ATP1A4: variants seen among roughly 807,000 people sequenced by gnomAD.
ATP1A4 encodes the protein sodium/potassium-transporting ATPase subunit alpha-4.
In ATP1A4, 90 loss-of-function variants were observed where a neutral mutation model predicts 114.3. The ratio of observed to expected loss-of-function variants is 0.79; its 90% CI spans 0.66 to 0.94. The LOEUF is 0.94. Ranked by LOEUF, ATP1A4 falls within the 40% of genes least tolerant of loss-of-function variation. ATP1A4 has a pLI of 0.00. For synonymous variants in ATP1A4, 511 were observed against 494.1 expected, an observed-to-expected ratio of 1.03 and a Z score of -0.45; for missense variants, 1,222 against 1,313.6, an observed-to-expected ratio of 0.93 and a Z score of 1.08.
At chr1:160,176,702 A>C in intron 17 of ATP1A4, 100 bp downstream of exon 17, 33 of 1,503,530 alleles carry the variant, frequency 2.2e-5, no homozygotes, top group South Asian at 3.7e-5. Context: ...ATATTTTCTC[A>C]GCAACAAACT....
intron 4 of ATP1A4, among the ~76,000 whole-genome samples, chr1:160,157,517 T>C (rs923935772): frequency 7.9e-5 from 12 of 152,260 alleles, no homozygotes; most frequent in African/African-American, 2.7e-4. Context: ...AAAGGATGTA[T>C]TGGGTCAATT....
chr1:160,186,815 G>A lies in ATP1A4; in HGVS notation c.*116G>A. 8.2e-7 allele frequency: 1 copy of A among 1,222,462 alleles called. No individual in the cohort carries two copies. 75.7% of individuals were successfully genotyped at this position (1,222,462 alleles called of 1,614,324 possible). A position where few individuals can be genotyped will look rare whatever the true frequency, so the allele number is the denominator to read the frequency against. ...CACTAGGATGAATTATCTTGGATGAGAAAGATGGGCAATCCTGGGCTGGCT... is the reference window on the plus strand; with the variant it reads ...CACTAGGATGAATTATCTTGGATGAAAAAGATGGGCAATCCTGGGCTGGCT... On this transcript the variant is annotated 3_prime_UTR_variant, in exon 22 of 22. Coordinates refer to ENST00000368081, the MANE Select transcript of ATP1A4 (RefSeq NM_144699.4).
chr1:160,167,369 C>A lies in ATP1A4; in HGVS notation c.1448C>A (p.Pro483His), dbSNP rs771499307. ...GTGGCGGAGATGAGAGAGAAAAACC[C>A]CAAGGTGGCAGAGATTCCCTTTAAT... ...SSVAEMREKN[P>H]KVAEIPFNST... is the part of the protein sequence containing the mutation. Residue 483 changes from proline to histidine, a missense_variant, in exon 10 of 22, where the codon CCC (proline) becomes CAC (histidine). Coordinates refer to ENST00000368081, the MANE Select transcript of ATP1A4 (RefSeq NM_144699.4). The A allele has an allele frequency of 1.1e-5, 18 of 1,611,960 alleles. No individual in the cohort carries two copies. The South Asian group carries it at 2.0e-4, about 18-fold the overall frequency.
At chr1:160,186,627 C>G (rs1653904858) in intron 21 of ATP1A4, 44 bp from the exon 22 acceptor site, 2 of 1,599,234 alleles carry the variant, frequency 1.3e-6, no homozygotes, top group Non-Finnish European at 1.7e-6. Context: ...CTGGATGCCT[C>G]TAATTCCTTC....
At position 160,173,809 on chromosome 1, in the gene ATP1A4, TC is replaced by T. The variant is rs1279995467; in HGVS notation, c.1991+94del. On this transcript the variant is annotated intron_variant, in intron 13 of 21. Coordinates refer to ENST00000368081, the MANE Select transcript of ATP1A4 (RefSeq NM_144699.4). ...CCACTTTACTAAAGTTCTTGGAGTC[TC>T]CTTCAATAGGTAGGATGTGTGGGGT... 1.4e-5 allele frequency: 20 copies of T among 1,469,920 alleles called. No homozygotes were observed. In the Admixed American group the frequency reaches 4.1e-4, roughly 30 times the overall value. 91.1% of individuals were successfully genotyped at this position (1,469,920 alleles called of 1,614,324 possible).
chr1:160,168,313 A>G (rs1043210292), intron 10 of ATP1A4, among the ~76,000 whole-genome samples: 2 of 151,112 alleles, frequency 1.3e-5, no homozygotes, highest in Non-Finnish European at 1.5e-5. Context: ...AAAAGGCCAG[A>G]CATTCAGGTG....
Position 160,186,385 on chromosome 1 carries a change from C to T in ATP1A4, c.3061+18C>T, listed in dbSNP as rs1271868931. 1 of 1,586,836 alleles carries T rather than the reference C, an allele frequency of 6.3e-7. No homozygotes were observed. Among genetic ancestry groups the T allele is most frequent in the East Asian group, 2.2e-5 (1 of 44,736 alleles). Reference sequence around the variant, plus strand: ...CCCGGATGGTGAGGCTCCCCTGGGCCCCGCTCTGACTGAGTGGTCACCAGC... The same window carrying T: ...CCCGGATGGTGAGGCTCCCCTGGGCTCCGCTCTGACTGAGTGGTCACCAGC... On this transcript the variant is annotated intron_variant, in intron 21 of 21. Transcript: ENST00000368081.
Position 160,152,000 on chromosome 1 carries a change from T to C in ATP1A4, c.-41T>C. 6.3e-7 allele frequency: 1 copy of C among 1,587,820 alleles called. No homozygotes were observed. The highest frequency in any genetic ancestry group is 8.6e-7 in the Non-Finnish European group (1 of 1,168,148). On this transcript the variant is annotated 5_prime_UTR_variant, in exon 1 of 22. Transcript: ENST00000368081. Reference sequence around the variant, plus strand: ...CCCTTGCCTCACTCTCTCAGCTTTCTTCCCACAGTTGAGCTCGGGCAGCTC... The same window carrying C: ...CCCTTGCCTCACTCTCTCAGCTTTCCTCCCACAGTTGAGCTCGGGCAGCTC...
In ATP1A4 at chr1:160,171,248, T is replaced by G. The variant is rs1653244100; in HGVS notation, c.1492-3T>G. 1 of 1,613,112 alleles carries G rather than the reference T, an allele frequency of 6.2e-7. No individual in the cohort carries two copies. Among genetic ancestry groups the G allele is most frequent in the East Asian group, 2.2e-5 (1 of 44,854 alleles). On this transcript the variant is annotated splice_polypyrimidine_tract_variant and splice_region_variant and intron_variant, in intron 10 of 21. Coordinates refer to ENST00000368081, the MANE Select transcript of ATP1A4 (RefSeq NM_144699.4). ...CCATCAGTGCTCCCTTTGCTCTCCC[T>G]AGATGTCCATCCACCTTCGGGAGGA...
chr1:160,175,995 G>A lies in ATP1A4; in HGVS notation c.2312-97G>A, dbSNP rs187119531. Reference sequence around the variant, plus strand: ...GGACCTCCAGACCCTTTCCTGGACTGTGACACTTCTTTGAGGTGGCCTGTC... The same window carrying A: ...GGACCTCCAGACCCTTTCCTGGACTATGACACTTCTTTGAGGTGGCCTGTC... On this transcript the variant is annotated intron_variant, in intron 15 of 21. Transcript: ENST00000368081. 1.4e-3 allele frequency: 1,799 copies of A among 1,297,906 alleles called. 4 individuals carry two copies. Among genetic ancestry groups the A allele is most frequent in the Middle Eastern group, 7.5e-3 (40 of 5,362 alleles). 80.4% of individuals were successfully genotyped at this position (1,297,906 alleles called of 1,614,324 possible). A position where few individuals can be genotyped will look rare whatever the true frequency, so the allele number is the denominator to read the frequency against.
intron 6 of ATP1A4, among the ~76,000 whole-genome samples, chr1:160,160,587 C>T (rs1274383831): frequency 4.6e-5 from 7 of 152,086 alleles, no homozygotes; most frequent in South Asian, 4.1e-4. Context: ...TTCCCACATG[C>T]GCACAATACC....
At chr1:160,167,135 C>T in intron 9 of ATP1A4, 58 bp downstream of exon 9, 4 of 1,578,360 alleles carry the variant, frequency 2.5e-6, no homozygotes, top group Non-Finnish European at 3.5e-6. Flanking sequence ...CTGACCTCTC[C>T]CAAAAAATCC....
intron 18 of ATP1A4, among the ~76,000 whole-genome samples, chr1:160,178,339 G>A (rs1328226716): frequency 6.7e-6 from 1 of 149,856 alleles, no homozygotes; most frequent in African/African-American, 2.5e-5. Context: ...TGGGCAACAA[G>A]AGTAAAACTC....
intron 9 of ATP1A4, 42 bp downstream of exon 9, chr1:160,167,119 T>A (rs751796021): frequency 1.9e-6 from 3 of 1,597,718 alleles, no homozygotes; most frequent in Admixed American, 1.7e-5. Context: ...GTGTCCAGGG[T>A]GTAACCTGAC....
intron 6 of ATP1A4, among the ~76,000 whole-genome samples, chr1:160,161,408 G>A (rs1333249956): frequency 1.3e-5 from 2 of 152,192 alleles, no homozygotes; most frequent in African/African-American, 4.8e-5. Flanking sequence ...CATGGAAGGT[G>A]TATGAAGAAG....
chr1:160,169,546 C>G (rs374928286), intron 10 of ATP1A4: 7 of 152,180 alleles, frequency 4.6e-5, no homozygotes, highest in African/African-American at 1.7e-4. Context: ...ACTGAACAAA[C>G]GAACAGAACA....
At chr1:160,178,711 C>G (rs776349679) in intron 18 of ATP1A4, among the ~76,000 whole-genome samples, 1 of 152,108 alleles carries the variant, frequency 6.6e-6, no homozygotes, top group African/African-American at 2.4e-5. Flanking sequence ...AACCTATTTT[C>G]TTTGTATATC....
intron 7 of ATP1A4, 96 bp from the exon 8 acceptor site, chr1:160,166,432 T>G: frequency 6.8e-7 from 1 of 1,460,418 alleles, no homozygotes; most frequent in South Asian, 1.3e-5. Context: ...GTACAAAAAA[T>G]CAAAATAGCA....
intron 1 of ATP1A4, 119 bp from the exon 2 acceptor site, chr1:160,153,046 G>A (rs1479299045): frequency 2.3e-5 from 18 of 788,674 alleles, no homozygotes; most frequent in Non-Finnish European, 3.4e-5. Flanking sequence ...GAATTGCAGG[G>A]AGCTTACAAA....
Sources: gnomAD v4.1 joint callset for allele counts (sites outside exome capture counted in the v4.1 genomes callset) on GRCh38, gnomAD v4.1.1 for gene constraint, MANE v1.5 for transcripts, NCBI Gene and HGNC (gene_info 2026-07-23, HGNC 2026-07-21) for gene names.